The following DAB1 variants were observed in gnomAD, a reference collection of about 807,000 sequenced individuals.
DAB1 encodes the protein DAB adaptor protein 1, also known as disabled homolog 1.
DAB1 carries 15 observed loss-of-function variants against 64.6 expected under a neutral mutation model. The ratio of observed to expected loss-of-function variants is 0.23; its 90% CI spans 0.16 to 0.36. The LOEUF is 0.36. Ranked by LOEUF, DAB1 falls within the 10% of genes least tolerant of loss-of-function variation. The pLI is 1.00. For missense variants in DAB1, 596 were observed against 706.7 expected (o/e 0.84, Z 1.78); for synonymous variants, 235 against 251.9 (o/e 0.93, Z 0.64).
intron 5 of DAB1, among the ~76,000 whole-genome samples, chr1:57,953,990 C>T (rs1308809566): frequency 6.6e-6 from 1 of 152,054 alleles, no homozygotes; most frequent in Non-Finnish European, 1.5e-5. Flanking sequence ...CTTCCCATAC[C>T]TCCACAAATA....
intron 4 of DAB1, among the ~76,000 whole-genome samples, chr1:57,110,126 A>C (rs1655523981): frequency 6.6e-6 from 1 of 152,194 alleles, no homozygotes; most frequent in Admixed American, 6.5e-5. Flanking sequence ...TTCATTTATC[A>C]CATGCTTATA....
intron 7 of DAB1, among the ~76,000 whole-genome samples, chr1:57,602,377 G>A (rs1474963930): frequency 6.6e-6 from 1 of 152,110 alleles, no homozygotes; most frequent in Non-Finnish European, 1.5e-5. Context: ...ATATTTCTCT[G>A]TTCTTGTCCT....
At chr1:57,801,707 G>C (rs1651132935) in intron 6 of DAB1, among the ~76,000 whole-genome samples, 1 of 151,688 alleles carries the variant, frequency 6.6e-6, no homozygotes, top group Non-Finnish European at 1.5e-5. Context: ...GCCCAGGCTG[G>C]AGTGCAGTGG....
intron 6 of DAB1, among the ~76,000 whole-genome samples, chr1:57,805,782 C>T (rs1449732858): frequency 6.6e-6 from 1 of 152,124 alleles, no homozygotes; most frequent in Non-Finnish European, 1.5e-5. Context: ...TGCTCAGGTA[C>T]TGAACCCTGA....
At chr1:58,433,586 AGAGAGAGAGAGTGT>A (rs1210683995) in intron 3 of DAB1, among the ~76,000 whole-genome samples, 2 of 114,042 alleles carry the variant, frequency 1.8e-5, no homozygotes, top group African/African-American at 8.6e-5. Context: ...AGAGAGAGAG[AGAGAGAGAGAGTGT>A]GTGTGTGTGT....
intron 2 of DAB1, among the ~76,000 whole-genome samples, chr1:57,280,243 G>T (rs184085948): frequency 6.6e-6 from 1 of 152,112 alleles, no homozygotes; most frequent in African/African-American, 2.4e-5. Flanking sequence ...AATAGATATT[G>T]GTTCCTCCTT....
At chr1:58,193,813 A>G (rs530146552) in intron 4 of DAB1, among the ~76,000 whole-genome samples, 75 of 152,144 alleles carry the variant, frequency 4.9e-4, no homozygotes, top group African/African-American at 1.6e-3. Flanking sequence ...CCAAGATCGC[A>G]CCATTGCACT....
intron 7 of DAB1, among the ~76,000 whole-genome samples, chr1:57,487,477 T>C (rs571493252): frequency 1.4e-4 from 21 of 152,328 alleles, no homozygotes; most frequent in African/African-American, 4.8e-4. Flanking sequence ...ACCTTCCCTC[T>C]GTTTCAGGGT....
At chr1:58,107,670 G>A (rs61779195) in intron 5 of DAB1, among the ~76,000 whole-genome samples, 2 of 151,874 alleles carry the variant, frequency 1.3e-5, no homozygotes, top group African/African-American at 4.8e-5. Flanking sequence ...ATGCTGAAGT[G>A]CAGTGGTGCA....
chr1:58,479,546 C>A (rs1276168868), intron 3 of DAB1, among the ~76,000 whole-genome samples: 1 of 152,128 alleles, frequency 6.6e-6, no homozygotes, highest in Non-Finnish European at 1.5e-5. Flanking sequence ...TACACTGCCT[C>A]ATCTATGCTT....
At chr1:57,053,688 A>ATATATATATATTTTT in intron 9 of DAB1, among the ~76,000 whole-genome samples, 1 of 71,400 alleles carries the variant, frequency 1.4e-5, no homozygotes, top group Non-Finnish European at 2.6e-5. Context: ...ATATATATAT[A>ATATATATATATTTTT]TTTTTTTTTT....
At chr1:57,251,952 C>T (rs1022372121) in intron 2 of DAB1, among the ~76,000 whole-genome samples, 13 of 152,208 alleles carry the variant, frequency 8.5e-5, no homozygotes, top group Non-Finnish European at 1.8e-4. Flanking sequence ...GGCCACAGGC[C>T]TGTGAATTGA....
At chr1:57,873,585 C>T (rs192710823) in intron 1 of DAB1, among the ~76,000 whole-genome samples, 6 of 152,202 alleles carry the variant, frequency 3.9e-5, no homozygotes, top group Middle Eastern at 3.4e-3. Flanking sequence ...TTACTGGTGG[C>T]GGGACCACAT....
intron 1 of DAB1, among the ~76,000 whole-genome samples, chr1:57,391,766 AAC>A (rs57332880): frequency 0.041 from 3,835 of 94,456 alleles, 52 homozygotes; most frequent in African/African-American, 0.061. Flanking sequence ...CAGAGGAATA[AAC>A]ACACACACAC....
intron 4 of DAB1, among the ~76,000 whole-genome samples, chr1:58,155,925 T>G (rs561621735): frequency 6.6e-6 from 1 of 152,256 alleles, no homozygotes; most frequent in Non-Finnish European, 1.5e-5. Flanking sequence ...TGCCTCCCAA[T>G]AGTGAAATCT....
chr1:57,082,281 G>A (rs758898936), intron 4 of DAB1, among the ~76,000 whole-genome samples: 4 of 152,192 alleles, frequency 2.6e-5, no homozygotes, highest in Non-Finnish European at 5.9e-5. Context: ...GAGAACAGGA[G>A]AAGTCAAGGT....
intron 1 of DAB1, chr1:58,539,246 A>G (rs760700917): frequency 1.3e-5 from 11 of 870,240 alleles, no homozygotes; most frequent in Non-Finnish European, 2.0e-5. Context: ...TTAAATCGGA[A>G]GAAAACATGG....
intron 2 of DAB1, among the ~76,000 whole-genome samples, chr1:58,512,325 T>C (rs1249106154): frequency 1.3e-5 from 2 of 152,186 alleles, no homozygotes; most frequent in Non-Finnish European, 2.9e-5. Context: ...GTGTGGACTT[T>C]ATGAAAAACA....
At chr1:57,022,432 T>C (rs1646651007) in intron 11 of DAB1, among the ~76,000 whole-genome samples, 2 of 152,260 alleles carry the variant, frequency 1.3e-5, no homozygotes, top group Non-Finnish European at 2.9e-5. Flanking sequence ...AACTTCACAA[T>C]TGAATACATT....
Sources: gnomAD v4.1 joint callset for allele counts (sites outside exome capture counted in the v4.1 genomes callset) on GRCh38, gnomAD v4.1.1 for gene constraint, MANE v1.5 for transcripts, NCBI Gene and HGNC (gene_info 2026-07-23, HGNC 2026-07-21) for gene names.